The following UBTF variants were observed in gnomAD, a reference collection of about 807,000 sequenced individuals.
UBTF encodes upstream binding transcription factor, also known as nucleolar transcription factor 1.
In UBTF, 8 loss-of-function variants were observed where a neutral mutation model predicts 112.3. That is an observed-to-expected ratio of 0.07 (90% CI 0.04 to 0.13). The LOEUF is 0.13. Ranked by LOEUF, UBTF falls within the 10% of genes least tolerant of loss-of-function variation. UBTF has a pLI of 1.00. For synonymous variants in UBTF, 417 were observed against 373.1 expected, an observed-to-expected ratio of 1.12 and a Z score of -1.36; for missense variants, 457 against 982.1, an observed-to-expected ratio of 0.47 and a Z score of 7.15.
chr17:44,212,222 G>A, intron 8 of UBTF, 122 bp downstream of exon 8: 1 of 859,222 alleles, frequency 1.2e-6, no homozygotes, highest in Admixed American at 2.3e-5. Context: ...GAGGGGCCCA[G>A]AAGGCCCCTC....
In UBTF at chr17:44,205,268, CAA is replaced by C. The variant is rs951233618; in HGVS notation, c.*1972_*1973del. 13 of 152,722 alleles carry C rather than the reference CAA, an allele frequency of 8.5e-5. No homozygotes were observed. The highest frequency in any genetic ancestry group is 7.7e-4 in the East Asian group (4 of 5,192). 9.5% of individuals were successfully genotyped at this position (152,722 alleles called of 1,614,324 possible). A position where few individuals can be genotyped will look rare whatever the true frequency, so the allele number is the denominator to read the frequency against. ...TCCCATCCCAGTGCCAAAATGCACTCAAGAGTGACCTCTTACAGCACCAACAC... is the reference window on the plus strand; with the variant it reads ...TCCCATCCCAGTGCCAAAATGCACTCGAGTGACCTCTTACAGCACCAACAC... On this transcript the variant is annotated 3_prime_UTR_variant, in exon 21 of 21. Transcript: ENST00000436088.
chr17:44,212,757 C>T lies in UBTF; in HGVS notation c.660+62G>A, dbSNP rs561240576. 14 of 1,597,182 alleles carry T rather than the reference C, an allele frequency of 8.8e-6. No individual in the cohort carries two copies. The Admixed American group carries it at 1.0e-4, about 12-fold the overall frequency. On this transcript the variant is annotated intron_variant, in intron 7 of 20. Transcript: ENST00000436088. ...CCTGCACCGTGCCCGGCCGACCTGGCGCGGCTCCCCCCTGGCCACCGCCGT... is the reference window on the plus strand; with the variant it reads ...CCTGCACCGTGCCCGGCCGACCTGGTGCGGCTCCCCCCTGGCCACCGCCGT...
Position 44,207,539 on chromosome 17 carries a change from T to C in UBTF, c.2084A>G (p.Glu695Gly). ...AGAGGAGTCCCCATTCTCATCATCT[T>C]CCTCTTCTTCATCCTCGTCCTCGTC... The part of the protein sequence containing the change: ...EDDEDEDEEE[E>G]DDENGDSSED... Residue 695 changes from glutamate to glycine, a missense_variant, in exon 20 of 21, where the codon GAA becomes GGA. Physicochemically the swap from Glu to Gly is moderately conservative, Grantham distance 98. Transcript: ENST00000436088. 2 of 1,614,106 alleles carry C rather than the reference T, an allele frequency of 1.2e-6. No individual in the cohort carries two copies. The highest frequency in any genetic ancestry group is 1.7e-6 in the Non-Finnish European group (2 of 1,180,024).
intron 5 of UBTF, chr17:44,215,383 G>A (rs978137762): frequency 1.5e-5 from 7 of 474,770 alleles, no homozygotes; most frequent in Non-Finnish European, 2.7e-5. Context: ...GGGAGAGAGA[G>A]CTTGAAACAG....
intron 17 of UBTF, chr17:44,209,042 G>C (rs997835975): frequency 3.0e-6 from 1 of 336,000 alleles, no homozygotes. Flanking sequence ...GGTGGTACAT[G>C]TCTGTAGCCC....
chr17:44,218,402 T>C, intron 1 of UBTF, 106 bp from the exon 2 acceptor site: 1 of 659,632 alleles, frequency 1.5e-6, no homozygotes, highest in Non-Finnish European at 2.6e-6. Flanking sequence ...TCTGAGAGAC[T>C]CAGCCATGAC....
chr17:44,209,984 G>GA (rs2056547863), intron 15 of UBTF, 140 bp downstream of exon 15: 4 of 941,138 alleles, frequency 4.3e-6, no homozygotes, highest in Non-Finnish European at 6.6e-6. Flanking sequence ...CCTTACTGAT[G>GA]AGAGACAGAG....
chr17:44,213,260 T>C lies in UBTF; in HGVS notation c.497A>G (p.Gln166Arg), dbSNP rs1426632040. The C allele has an allele frequency of 1.9e-6, 3 of 1,613,732 alleles. No homozygotes were observed. The highest frequency in any genetic ancestry group is 2.5e-6 in the Non-Finnish European group (3 of 1,179,834). ...TCGCTCGAACTCCTGTTTCTCTCTC[T>C]GGAAGTCCTGAATATATTTCATCTG... is the stretch of plus-strand genomic sequence containing the variant. ...KKKMKYIQDFQREKQEFERNL... is the reference protein window; with the variant it reads ...KKKMKYIQDFRREKQEFERNL... The change falls in exon 6 of 21, where the codon CAG becomes CGG. Residue 166 changes from glutamine to arginine, a missense_variant. Gln to Arg is a conservative substitution (Grantham distance 43). Coordinates refer to ENST00000436088, the MANE Select transcript of UBTF (RefSeq NM_014233.4).
upstream of UBTF, chr17:44,220,740 C>G (rs971503379): frequency 6.6e-6 from 1 of 151,888 alleles, no homozygotes; most frequent in African/African-American, 2.4e-5. Context: ...GCTCACTTAC[C>G]GAGCGTGTGG....
intron 17 of UBTF, chr17:44,208,813 G>A: frequency 3.8e-6 from 1 of 262,444 alleles, no homozygotes; most frequent in Non-Finnish European, 7.7e-6. Flanking sequence ...AAGGCAGTCT[G>A]ATTTGGATTC....
chr17:44,219,057 TC>T (rs2047021857), intron 1 of UBTF: 1 of 137,196 alleles, frequency 7.3e-6, no homozygotes, highest in Non-Finnish European at 1.6e-5. Context: ...CGCCGCCTCC[TC>T]CCCCGAGCCT....
intron 15 of UBTF, 51 bp downstream of exon 15, chr17:44,210,073 G>C (rs768845536): frequency 6.3e-7 from 1 of 1,594,270 alleles, no homozygotes; most frequent in Admixed American, 1.7e-5. Context: ...CCCAACCAAA[G>C]GGGAGTTCCC....
chr17:44,216,463 G>C lies in UBTF; in HGVS notation c.234+66C>G, dbSNP rs1451555008. The C allele has an allele frequency of 3.8e-6, 6 of 1,576,210 alleles. No individual in the cohort carries two copies. In the East Asian group the frequency reaches 1.3e-4, roughly 35 times the overall value. ...TCTCTTTCCTTCCTGTTTACAGCCT[G>C]TTTCACTTCCCCCACCACGCTGAGT... On this transcript the variant is annotated intron_variant, in intron 3 of 20. Coordinates refer to ENST00000436088, the MANE Select transcript of UBTF (RefSeq NM_014233.4).
At chr17:44,210,280 C>A (rs772503727) in intron 14 of UBTF, 38 bp downstream of exon 14, 1 of 1,614,268 alleles carries the variant, frequency 6.2e-7, no homozygotes, top group Non-Finnish European at 8.5e-7. Context: ...TCACCCGGGG[C>A]TAGAGGCTGC....
rs1313656355 is a variant in UBTF, at chr17:44,210,783, C to T, written c.1359+9G>A. The T allele has an allele frequency of 3.2e-6, 5 of 1,558,622 alleles. No individual in the cohort carries two copies. On this transcript the variant is annotated intron_variant, in intron 13 of 20. Coordinates refer to ENST00000436088, the MANE Select transcript of UBTF (RefSeq NM_014233.4). ...CCTGGGGGCACAGCGCTCCGCCAGGCAGCCTGACCTTCTTCTTCTCAGACA... is the reference window on the plus strand; with the variant it reads ...CCTGGGGGCACAGCGCTCCGCCAGGTAGCCTGACCTTCTTCTTCTCAGACA...
chr17:44,208,440 CTTCTCTA>C (rs2056419924), intron 17 of UBTF, among the ~76,000 whole-genome samples: 1 of 152,174 alleles, frequency 6.6e-6, no homozygotes, highest in South Asian at 2.1e-4. Context: ...ACCCAGAGTC[CTTCTCTA>C]AACCACTAAG....
At position 44,219,631 on chromosome 17, in the gene UBTF, CGG is replaced by C; in HGVS notation, c.-256_-255del. On this transcript the variant is annotated 5_prime_UTR_variant, in exon 1 of 21. Coordinates refer to ENST00000436088, the MANE Select transcript of UBTF (RefSeq NM_014233.4). ...GCTGCTGTGGCGGCGGCGGCGGCGG[CGG>C]CGGCTGTGGCTGCTGCCTGCTGCTC... 6.1e-6 allele frequency: 1 copy of C among 162,876 alleles called. No homozygotes were observed. Among genetic ancestry groups the C allele is most frequent in the Non-Finnish European group, 1.3e-5 (1 of 77,836 alleles). The allele number at this position is 162,876 out of a possible 1,614,324, so 10.1% of individuals were successfully genotyped here. A position where few individuals can be genotyped will look rare whatever the true frequency, so the allele number is the denominator to read the frequency against.
At chr17:44,215,106 TGGA>T (rs1281593622) in intron 5 of UBTF, among the ~76,000 whole-genome samples, 1 of 114,912 alleles carries the variant, frequency 8.7e-6, no homozygotes, top group Non-Finnish European at 1.7e-5. Context: ...CACGTGTGCG[TGGA>T]GAAGTGCACT....
At position 44,206,943 on chromosome 17, in the gene UBTF, CG is replaced by C; in HGVS notation, c.*298del. 2.0e-6 allele frequency: 1 copy of C among 496,588 alleles called. No homozygotes were observed. Among genetic ancestry groups the C allele is most frequent in the Non-Finnish European group, 3.5e-6 (1 of 282,896 alleles). 30.8% of individuals were successfully genotyped at this position (496,588 alleles called of 1,614,324 possible). A position where few individuals can be genotyped will look rare whatever the true frequency, so the allele number is the denominator to read the frequency against. ...CCACTCTCCGGTCCATTGTCCATGC[CG>C]GAACCGCAAGTGCAGAAGTGGGTGG... On this transcript the variant is annotated 3_prime_UTR_variant, in exon 21 of 21. Transcript: ENST00000436088.
Sources: allele counts gnomAD v4.1 joint callset (sites outside exome capture counted in the v4.1 genomes callset), GRCh38; gene constraint gnomAD v4.1.1; transcripts MANE v1.5; gene names NCBI Gene and HGNC (gene_info 2026-07-23, HGNC 2026-07-21).